LRP1B: variants seen among roughly 807,000 people sequenced by gnomAD.
The protein encoded by LRP1B is low-density lipoprotein receptor-related protein 1B.
In LRP1B, 217 loss-of-function variants were observed where a neutral mutation model predicts 556.6. The ratio of observed to expected loss-of-function variants is 0.39; its 90% confidence interval spans 0.35 to 0.44. The LOEUF (loss-of-function observed/expected upper bound fraction) is 0.44, where lower values mean the gene tolerates loss of function less well. LRP1B is among the 20% of genes least tolerant of loss of function. The pLI is 1.00. For synonymous variants in LRP1B, 2,047 were observed against 1,865.8 expected, an observed-to-expected ratio of 1.10 and a Z score of -2.50; for missense variants, 5,053 against 5,620.8, an observed-to-expected ratio of 0.90 and a Z score of 3.23.
chr2:141,049,328 T>C (rs1558825236), intron 10 of LRP1B, 106 bp from the exon 11 acceptor site: 2 of 745,662 alleles, frequency 2.7e-6, no homozygotes, highest in Non-Finnish European at 4.6e-6. Context: ...TTAAATTCAA[T>C]GCTAAAAATT....
chr2:141,018,687 G>A (rs1013297379), intron 12 of LRP1B, among the ~76,000 whole-genome samples: 2 of 152,124 alleles, frequency 1.3e-5, no homozygotes, highest in Admixed American at 6.6e-5. Context: ...TTTTAAGATA[G>A]ATTTGAAATT....
In LRP1B at chr2:140,850,278, T is replaced by C; in HGVS notation, c.4763A>G (p.Asp1588Gly). Residue 1588 changes from aspartate (D) to glycine (G), a missense_variant, in exon 29 of 91, where the codon GAT becomes GGT. Around this residue, in one of 5 missense-constraint regions of LRP1B, gnomAD observed 3,619 missense variants for 3,931.9 expected, o/e 0.92. Coordinates refer to ENST00000389484, the MANE Select transcript of LRP1B (RefSeq NM_018557.3). The part of the protein sequence containing the change: ...YARRSEIRGV[D>G]IDNPYFNFIT... ...GAAGTTAAAGTATGGATTGTCAATA[T>C]CCACTCCTCTGATTTCAGAACGTCT... 6.2e-7 allele frequency: 1 copy of C among 1,613,558 alleles called. No homozygotes were observed. The highest frequency in any genetic ancestry group is 1.1e-5 in the South Asian group (1 of 91,036).
chr2:141,084,419 G>A (rs1253243165), intron 7 of LRP1B, among the ~76,000 whole-genome samples: 1 of 152,112 alleles, frequency 6.6e-6, no homozygotes, highest in Non-Finnish European at 1.5e-5. Flanking sequence ...CATTTTTATT[G>A]CACTGACAAT....
chr2:141,764,742 A>C (rs1694678577), intron 2 of LRP1B, among the ~76,000 whole-genome samples: 1 of 152,166 alleles, frequency 6.6e-6, no homozygotes, highest in African/African-American at 2.4e-5. Flanking sequence ...TTGTTTAACC[A>C]AAATGTTTAT....
intron 1 of LRP1B, among the ~76,000 whole-genome samples, chr2:141,994,055 T>C (rs1413578293): frequency 6.6e-6 from 1 of 152,180 alleles, no homozygotes; most frequent in Non-Finnish European, 1.5e-5. Context: ...ACACCCAAAA[T>C]TTCTTTATTT....
chr2:141,399,075 G>C (rs1432253987), intron 3 of LRP1B, among the ~76,000 whole-genome samples: 1 of 152,012 alleles, frequency 6.6e-6, no homozygotes, highest in East Asian at 1.9e-4. Flanking sequence ...GTCCAACATG[G>C]TGAAACCCCA....
At chr2:140,532,999 A>G (rs1481326575) in intron 47 of LRP1B, among the ~76,000 whole-genome samples, 2 of 83,084 alleles carry the variant, frequency 2.4e-5, no homozygotes. Context: ...TTAGAATTTG[A>G]TATTCTTGAG....
At chr2:141,463,177 G>A (rs1208760843) in intron 3 of LRP1B, among the ~76,000 whole-genome samples, 4 of 152,118 alleles carry the variant, frequency 2.6e-5, no homozygotes, top group Non-Finnish European at 5.9e-5. Flanking sequence ...GTTGAATGCA[G>A]TAAGAATAAA....
intron 2 of LRP1B, among the ~76,000 whole-genome samples, chr2:141,502,851 C>G (rs1462472064): frequency 3.2e-5 from 3 of 94,684 alleles, no homozygotes; most frequent in East Asian, 7.0e-4. Context: ...GAGGGAGACC[C>G]CGTCTCAAAA....
At position 142,115,554 on chromosome 2, in the gene LRP1B, T is replaced by A. The variant is rs1445569598; in HGVS notation, c.82+15094A>T. Among the ~76,000 whole-genome samples the A allele has an allele frequency of 7.9e-4, 16 of 20,168 alleles. 2 individuals carry two copies. Among genetic ancestry groups the A allele is most frequent in the Non-Finnish European group, 9.8e-4 (8 of 8,194 alleles). 13.2% of individuals were successfully genotyped at this position (20,168 alleles called of 152,430 possible). A position where few individuals can be genotyped will look rare whatever the true frequency, so the allele number is the denominator to read the frequency against. On this transcript the variant is annotated intron_variant, in intron 1 of 90. Coordinates refer to ENST00000389484, the MANE Select transcript of LRP1B (RefSeq NM_018557.3). ...ATATATTACATATGTAATATATATA[T>A]TATATATGTAATATATATTATATAT...
intron 2 of LRP1B, among the ~76,000 whole-genome samples, chr2:141,728,111 C>T (rs372283296): frequency 7.2e-5 from 11 of 151,874 alleles, no homozygotes; most frequent in South Asian, 2.1e-4. Flanking sequence ...TGAAATGTTC[C>T]GCTGGAGAGA....
At chr2:141,255,007 C>T (rs1257038290) in intron 3 of LRP1B, among the ~76,000 whole-genome samples, 3 of 151,972 alleles carry the variant, frequency 2.0e-5, no homozygotes, top group African/African-American at 7.2e-5. Flanking sequence ...CTTTTGAGAG[C>T]TTGTTTTGAT....
chr2:141,641,566 C>T (rs1476809190), intron 2 of LRP1B, among the ~76,000 whole-genome samples: 1 of 152,044 alleles, frequency 6.6e-6, no homozygotes, highest in Non-Finnish European at 1.5e-5. Flanking sequence ...ACATTCAACC[C>T]TTAAATGCAA....
At chr2:141,854,666 G>T (rs1020320775) in intron 1 of LRP1B, among the ~76,000 whole-genome samples, 3 of 151,968 alleles carry the variant, frequency 2.0e-5, no homozygotes, top group African/African-American at 7.2e-5. Flanking sequence ...CCATAAAATT[G>T]TAAGTAGGAA....
intron 35 of LRP1B, among the ~76,000 whole-genome samples, chr2:140,717,386 G>A (rs1417489765): frequency 2.6e-5 from 4 of 152,000 alleles, no homozygotes; most frequent in Admixed American, 1.3e-4. Flanking sequence ...TCTAAGGTAC[G>A]AGTTTCTTAA....
At chr2:141,006,686 G>A (rs564259826) in intron 14 of LRP1B, among the ~76,000 whole-genome samples, 2 of 151,928 alleles carry the variant, frequency 1.3e-5, no homozygotes, top group South Asian at 4.1e-4. Flanking sequence ...TTTAAAACAT[G>A]TTTAAGTGAC....
At chr2:142,126,203 C>A (rs143279667) in intron 1 of LRP1B, among the ~76,000 whole-genome samples, 4 of 151,482 alleles carry the variant, frequency 2.6e-5, no homozygotes, top group African/African-American at 4.8e-5. Context: ...CTTGTTATAT[C>A]GAAATGTATT....
rs143065625 is a variant in LRP1B, at chr2:141,394,307, A to G, written c.343+86089T>C. ...TTTTCTGGTAAAATAAGACCATTTTAGTCTTAAGAGATTATGAAAAATGGG... is the reference window on the plus strand; with the variant it reads ...TTTTCTGGTAAAATAAGACCATTTTGGTCTTAAGAGATTATGAAAAATGGG... On this transcript the variant is annotated intron_variant, in intron 3 of 90. Coordinates refer to ENST00000389484, the MANE Select transcript of LRP1B (RefSeq NM_018557.3). Among the ~76,000 whole-genome samples the G allele has an allele frequency of 1.8e-3, 277 of 152,262 alleles. 1 individual carries two copies. The highest frequency in any genetic ancestry group is 3.2e-3 in the Non-Finnish European group (218 of 67,976).
chr2:141,154,556 A>C (rs1323891361), intron 7 of LRP1B, among the ~76,000 whole-genome samples: 1 of 151,918 alleles, frequency 6.6e-6, no homozygotes, highest in Non-Finnish European at 1.5e-5. Context: ...AAGACATTTG[A>C]GAATACTCTT....
Sources: allele counts gnomAD v4.1 joint callset (sites outside exome capture counted in the v4.1 genomes callset), GRCh38; gene constraint gnomAD v4.1.1; regional missense constraint gnomAD v4.1.1; transcripts MANE v1.5; gene names NCBI Gene and HGNC (gene_info 2026-07-23, HGNC 2026-07-21).